TNFAIP6: variants seen among roughly 807,000 people sequenced by gnomAD.
The protein encoded by TNFAIP6 is TNF alpha induced protein 6.
TNFAIP6 carries 36 observed loss-of-function variants against 33.7 expected under a neutral mutation model. That is an observed-to-expected ratio of 1.07 (90% confidence interval 0.82 to 1.41). The LOEUF is 1.41. Ranked by LOEUF, TNFAIP6 falls within the 40% of genes most tolerant of loss-of-function variation. The pLI is 0.00. For synonymous variants in TNFAIP6, 113 were observed against 112.8 expected (o/e 1.00, Z -0.01); for missense variants, 273 against 331.9 (o/e 0.82, Z 1.38).
In TNFAIP6 at chr2:151,370,172, G is replaced by A. The variant is rs769208574; in HGVS notation, c.547G>A (p.Glu183Lys). The change falls in exon 4 of 6, where the codon GAA becomes AAA. Residue 183 changes from glutamate to lysine, a missense_variant. By Grantham distance (56) the Glu-to-Lys change is moderately conservative (BLOSUM62 1). Coordinates refer to ENST00000243347, the MANE Select transcript of TNFAIP6 (RefSeq NM_007115.4). ...CCTGAGTTTTTTAGATTTTGACCTT[G>A]AAGATGACCCAGGTTGCTTGGCTGA... ...IHLSFLDFDL[E>K]DDPGCLADYV... The A allele has an allele frequency of 6.2e-7, 1 of 1,614,100 alleles. No homozygotes were observed. Among genetic ancestry groups the A allele is most frequent in the South Asian group, 1.1e-5 (1 of 91,078 alleles).
downstream of TNFAIP6, among the ~76,000 whole-genome samples, chr2:151,381,240 G>A (rs1162329733): frequency 6.6e-6 from 1 of 152,136 alleles, no homozygotes; most frequent in Non-Finnish European, 1.5e-5. Context: ...GGAAGGCCGA[G>A]GCAGAGGATC....
chr2:151,377,839 T>C lies in TNFAIP6; in HGVS notation c.665-1525T>C, dbSNP rs959911425. ...GGCAAATCTTCCAAATATGAGAAAA[T>C]AGCAGTCTGAGAATCAGAGCATGAA... On this transcript the variant is annotated intron_variant, in intron 5 of 5. Coordinates refer to ENST00000243347, the MANE Select transcript of TNFAIP6 (RefSeq NM_007115.4). 3.9e-5 allele frequency among the ~76,000 whole-genome samples: 6 copies of C among 152,040 alleles called. No individual in the cohort carries two copies. The East Asian group carries it at 9.6e-4, about 24-fold the overall frequency.
Position 151,357,748 on chromosome 2 carries a change from T to A in TNFAIP6, c.82T>A (p.Ser28Thr). ...ATTCAAGGATGGAATTTTTCATAAC[T>A]CCATATGGCTTGGTAAGAACCTTCA... is the stretch of plus-strand genomic sequence containing the variant. ...WGFKDGIFHN[S>T]IWLERAAGVY... The change falls in exon 1 of 6, where the codon TCC becomes ACC. Residue 28 changes from serine (S) to threonine (T), a missense_variant. Physicochemically the swap from Ser to Thr is moderately conservative, Grantham distance 58 (BLOSUM62 1). Transcript: ENST00000243347. The A allele has an allele frequency of 6.2e-7, 1 of 1,605,036 alleles. No individual in the cohort carries two copies.
chr2:151,362,477 A>ATT (rs765993291), intron 1 of TNFAIP6, among the ~76,000 whole-genome samples: 5 of 82,798 alleles, frequency 6.0e-5, no homozygotes, highest in African/African-American at 1.4e-4. Flanking sequence ...GTCTTACTAA[A>ATT]TTCTTTTTTT....
chr2:151,378,491 C>CT (rs35086162), intron 5 of TNFAIP6, among the ~76,000 whole-genome samples: 1,724 of 142,654 alleles, frequency 0.012, 26 homozygotes, highest in East Asian at 0.069. Context: ...AGAGTATCTT[C>CT]TTTTTTTTTT....
chr2:151,377,420 C>T (rs965523289), intron 5 of TNFAIP6, among the ~76,000 whole-genome samples: 2 of 152,094 alleles, frequency 1.3e-5, no homozygotes, highest in East Asian at 3.9e-4. Context: ...CCACCCGCCT[C>T]GGCCTCCCAA....
intron 5 of TNFAIP6, among the ~76,000 whole-genome samples, chr2:151,374,721 T>C (rs1684873186): frequency 1.3e-5 from 2 of 152,238 alleles, no homozygotes; most frequent in African/African-American, 4.8e-5. Flanking sequence ...TTTACTTATC[T>C]CTCATTCCTT....
At chr2:151,371,278 A>G (rs1684811528) in intron 4 of TNFAIP6, among the ~76,000 whole-genome samples, 1 of 152,098 alleles carries the variant, frequency 6.6e-6, no homozygotes, top group African/African-American at 2.4e-5. Flanking sequence ...TGAGTGTCTT[A>G]TGATATATTG....
At position 151,365,928 on chromosome 2, in the gene TNFAIP6, C is replaced by A. The variant is rs562918554; in HGVS notation, c.233-128C>A. ...GTCTAATTAAGGAAGCAATTTTCTC[C>A]CTTTTACATGAACTGGATTTGACCA... On this transcript the variant is annotated intron_variant, in intron 2 of 5. Transcript: ENST00000243347. The A allele has an allele frequency of 2.1e-4, 170 of 792,472 alleles. No individual in the cohort carries two copies. The African/African-American group carries it at 2.6e-3, about 12-fold the overall frequency. 49.1% of individuals were successfully genotyped at this position (792,472 alleles called of 1,614,324 possible). A position where few individuals can be genotyped will look rare whatever the true frequency, so the allele number is the denominator to read the frequency against.
intron 3 of TNFAIP6, among the ~76,000 whole-genome samples, chr2:151,369,761 C>T (rs891307246): frequency 7.9e-5 from 12 of 152,016 alleles, no homozygotes; most frequent in South Asian, 2.1e-4. Context: ...GGTGACAGAG[C>T]GAGATCTTGT....
chr2:151,357,595 C>A lies in TNFAIP6; in HGVS notation c.-72C>A. ...AGATGTGGAAACCAGATGTTTCAGT[C>A]ACATTTCAGCCACTGCTCTGAGAAT... On this transcript the variant is annotated 5_prime_UTR_variant, in exon 1 of 6. Coordinates refer to ENST00000243347, the MANE Select transcript of TNFAIP6 (RefSeq NM_007115.4). 1 of 932,296 alleles carries A rather than the reference C, an allele frequency of 1.1e-6. No homozygotes were observed. Among genetic ancestry groups the A allele is most frequent in the Non-Finnish European group, 1.8e-6 (1 of 568,548 alleles). 57.8% of individuals were successfully genotyped at this position (932,296 alleles called of 1,614,324 possible). A position where few individuals can be genotyped will look rare whatever the true frequency, so the allele number is the denominator to read the frequency against.
intron 4 of TNFAIP6, among the ~76,000 whole-genome samples, chr2:151,373,024 T>TA (rs1374236012): frequency 1.3e-5 from 2 of 152,078 alleles, no homozygotes; most frequent in East Asian, 3.9e-4. Context: ...ATCTTTCCTT[T>TA]AAAATCTCAT....
At chr2:151,375,573 T>G (rs1466497758) in intron 5 of TNFAIP6, among the ~76,000 whole-genome samples, 2 of 151,676 alleles carry the variant, frequency 1.3e-5, no homozygotes, top group Non-Finnish European at 2.9e-5. Context: ...CCAGGTGCAG[T>G]GGCACACGCC....
At chr2:151,361,073 G>A (rs1684616706) in intron 1 of TNFAIP6, among the ~76,000 whole-genome samples, 2 of 151,772 alleles carry the variant, frequency 1.3e-5, no homozygotes, top group Admixed American at 6.6e-5. Flanking sequence ...GTTTTGTTTT[G>A]GTTTGGTTTT....
intron 2 of TNFAIP6, 146 bp downstream of exon 2, chr2:151,364,226 CTA>C: frequency 9.6e-7 from 1 of 1,046,432 alleles, no homozygotes; most frequent in Non-Finnish European, 1.4e-6. Flanking sequence ...CTGACTTCTC[CTA>C]TCCATCTGCC....
At chr2:151,380,435 G>A (rs949268929), downstream of TNFAIP6, among the ~76,000 whole-genome samples, 5 of 152,008 alleles carry the variant, frequency 3.3e-5, no homozygotes, top group African/African-American at 4.8e-5. Context: ...TGATTTTGCT[G>A]AGGTCTCTTT....
At position 151,366,040 on chromosome 2, in the gene TNFAIP6, CTT is replaced by C. The variant is rs749378391; in HGVS notation, c.233-12_233-11del. ...CAGTTTACCTGTTTAGTCCATAACT[CTT>C]TTTCTTCTTGCAGGATTTCATGTCT... is the stretch of plus-strand genomic sequence containing the variant. On this transcript the variant is annotated splice_polypyrimidine_tract_variant and intron_variant, in intron 2 of 5. Transcript: ENST00000243347. 35 of 1,613,526 alleles carry C rather than the reference CTT, an allele frequency of 2.2e-5. No homozygotes were observed. Among genetic ancestry groups the C allele is most frequent in the Non-Finnish European group, 2.8e-5 (33 of 1,179,692 alleles).
chr2:151,359,919 A>G (rs185593559), intron 1 of TNFAIP6, among the ~76,000 whole-genome samples: 2 of 152,350 alleles, frequency 1.3e-5, no homozygotes, highest in African/African-American at 4.8e-5. Context: ...GTTAAGGACA[A>G]GAAATTACAA....
downstream of TNFAIP6, chr2:151,380,104 A>G (rs1425205734): frequency 6.6e-6 from 1 of 152,186 alleles, no homozygotes; most frequent in Non-Finnish European, 1.5e-5. Context: ...GAATTACTGA[A>G]TCAAAGGTTA....
Sources: allele counts gnomAD v4.1 joint callset (sites outside exome capture counted in the v4.1 genomes callset), GRCh38; gene constraint gnomAD v4.1.1; transcripts MANE v1.5; gene names NCBI Gene and HGNC (gene_info 2026-07-23, HGNC 2026-07-21).